SLC6A13: variants seen among roughly 807,000 people sequenced by gnomAD.
SLC6A13 encodes sodium- and chloride-dependent GABA transporter 2.
A neutral mutation model predicts 72.9 loss-of-function variants in SLC6A13; 69 were observed. That is an observed-to-expected ratio of 0.95 (90% confidence interval 0.78 to 1.16). The LOEUF is 1.16. Ranked by LOEUF, SLC6A13 falls within the 50% of genes most tolerant of loss-of-function variation. The pLI is 0.00. For missense variants in SLC6A13, 735 were observed against 760.5 expected (o/e 0.97, Z 0.39); for synonymous variants, 303 against 303.0 (o/e 1.00, Z 0.00).
chr12:229,794 A>C (rs1002568000), intron 7 of SLC6A13, among the ~76,000 whole-genome samples: 12 of 152,150 alleles, frequency 7.9e-5, no homozygotes, highest in Admixed American at 7.9e-4. Flanking sequence ...ACACATTCAG[A>C]GGCACAAGCC....
chr12:220,740 G>A lies in SLC6A13; in HGVS notation c.*208C>T. On this transcript the variant is annotated 3_prime_UTR_variant, in exon 15 of 15. Transcript: ENST00000343164. ...CAAGGGTCTCAGAGGGACACTCTTGGCACTGGCCTTTCACATCTGTTCAAC... is the reference window on the plus strand; with the variant it reads ...CAAGGGTCTCAGAGGGACACTCTTGACACTGGCCTTTCACATCTGTTCAAC... The A allele has an allele frequency of 1.8e-6, 1 of 569,474 alleles. No homozygotes were observed. Among genetic ancestry groups the A allele is most frequent in the Non-Finnish European group, 3.1e-6 (1 of 325,772 alleles). The allele number at this position is 569,474 out of a possible 1,614,324, so 35.3% of individuals were successfully genotyped here.
At chr12:238,584 TA>T (rs1942031449) in intron 4 of SLC6A13, among the ~76,000 whole-genome samples, 1 of 152,236 alleles carries the variant, frequency 6.6e-6, no homozygotes, top group Non-Finnish European at 1.5e-5. Flanking sequence ...TGGTGCTCTT[TA>T]TTATTTGTGT....
rs114856818 is a variant in SLC6A13 at position 242,510 on chromosome 12, G to A, written c.478+104C>T. ...TAAGCTCTCCATGGTCGACTTGGGTGATTTCTGGTGTGTCCGTGTTAAGCG... is the reference window on the plus strand; with the variant it reads ...TAAGCTCTCCATGGTCGACTTGGGTAATTTCTGGTGTGTCCGTGTTAAGCG... On this transcript the variant is annotated intron_variant, in intron 4 of 14. Coordinates refer to ENST00000343164, the MANE Select transcript of SLC6A13 (RefSeq NM_016615.5). 1.6e-3 allele frequency: 1,570 copies of A among 954,770 alleles called. 22 individuals are homozygous for A. The African/African-American group carries it at 0.023, about 14-fold the overall frequency. The allele number at this position is 954,770 out of a possible 1,614,324, so 59.1% of individuals were successfully genotyped here.
Position 226,508 on chromosome 12 carries a change from G to T in SLC6A13, c.942C>A (p.Cys314Ter). The change falls in exon 9 of 15, where the codon TGC becomes TGA. Residue 314 changes from cysteine (C) to a stop codon, truncating the protein, a stop_gained. Transcript: ENST00000343164. LOFTEE classifies it high-confidence loss of function. ...NKYHNNCYRD[C>*]IALCFLNSGT... ...CGCTGTTGAGGAAGCAGAGGGCGAT[G>T]CAGTCCCTGTGGGGCAGGGGTGAGG... 1 of 1,613,792 alleles carries T rather than the reference G, an allele frequency of 6.2e-7. No homozygotes were observed. The highest frequency in any genetic ancestry group is 8.5e-7 in the Non-Finnish European group (1 of 1,179,770).
In SLC6A13 at chr12:224,484, G is replaced by T. The variant is rs149299701; in HGVS notation, c.1090C>A (p.Arg364=). The T allele has an allele frequency of 6.2e-7, 1 of 1,614,118 alleles. No individual in the cohort carries two copies. The highest frequency in any genetic ancestry group is 8.5e-7 in the Non-Finnish European group (1 of 1,180,018). The change falls in exon 10 of 15, where the codon CGG becomes AGG. Residue 364 remains arginine, a synonymous_variant. Transcript: ENST00000343164. ...GAGAAGGGCAGCATCACCACAGCCC[G>T]CGGGTAAGCGATGAAAGCCAGGCCA... is the stretch of plus-strand genomic sequence containing the variant. ...GPGLAFIAYP[R]AVVMLPFSPL...
intron 2 of SLC6A13, among the ~76,000 whole-genome samples, chr12:250,794 A>G (rs1319799533): frequency 1.5e-5 from 2 of 134,726 alleles, no homozygotes; most frequent in Non-Finnish European, 3.1e-5. Flanking sequence ...ATTCTTTCTA[A>G]AATTCATCTG....
chr12:240,543 C>T (rs372956855), intron 4 of SLC6A13, among the ~76,000 whole-genome samples: 39 of 152,322 alleles, frequency 2.6e-4, no homozygotes, highest in African/African-American at 8.7e-4. Context: ...TTGATTCATT[C>T]GATCAATATT....
At chr12:257,845 C>T (rs1942797092) in intron 2 of SLC6A13, among the ~76,000 whole-genome samples, 1 of 152,240 alleles carries the variant, frequency 6.6e-6, no homozygotes, top group Non-Finnish European at 1.5e-5. Flanking sequence ...ATCTCTCCCA[C>T]CTCTTCGTGC....
intron 4 of SLC6A13, among the ~76,000 whole-genome samples, chr12:241,092 T>C (rs1942148325): frequency 6.6e-6 from 1 of 152,054 alleles, no homozygotes; most frequent in East Asian, 1.9e-4. Context: ...GATCACAAGG[T>C]CAGGAGTTCA....
intron 4 of SLC6A13, among the ~76,000 whole-genome samples, chr12:239,807 C>G (rs1431602625): frequency 1.3e-5 from 2 of 152,216 alleles, no homozygotes; most frequent in African/African-American, 4.8e-5. Flanking sequence ...AAACCATTCA[C>G]TTTCCTGGAC....
Position 222,494 on chromosome 12 carries a change from C to T in SLC6A13, c.1515+38G>A, listed in dbSNP as rs570909770. ...CTACCCCTGCTAGCCACCGTCTCTC[C>T]CTCCCTTCATCTGACTTTATCCCTG... On this transcript the variant is annotated intron_variant, in intron 13 of 14. Transcript: ENST00000343164. The T allele has an allele frequency of 2.7e-5, 37 of 1,363,898 alleles. No homozygotes were observed. In the East Asian group the frequency reaches 4.5e-4, roughly 17 times the overall value. The allele number at this position is 1,363,898 out of a possible 1,614,324, so 84.5% of individuals were successfully genotyped here.
At chr12:244,835 T>C (rs1172045046) in intron 2 of SLC6A13, among the ~76,000 whole-genome samples, 1 of 152,180 alleles carries the variant, frequency 6.6e-6, no homozygotes, top group East Asian at 1.9e-4. Flanking sequence ...TCCAAAACTA[T>C]AATAAATAAA....
rs750973965 is a variant in SLC6A13 at position 223,986 on chromosome 12, C to T, written c.1311+6G>A. 9 of 1,610,824 alleles carry T rather than the reference C, an allele frequency of 5.6e-6. No homozygotes were observed. The highest frequency in any genetic ancestry group is 5.5e-5 in the South Asian group (5 of 90,870). On this transcript the variant is annotated splice_donor_region_variant and intron_variant, in intron 11 of 14. Transcript: ENST00000343164. ...CCCAGCCTTCCCCCGCTTCCCAGGC[C>T]CTCACCTCTGTGAGCATGATCAGCC...
At chr12:255,914 C>T in intron 2 of SLC6A13, among the ~76,000 whole-genome samples, 1 of 152,190 alleles carries the variant, frequency 6.6e-6, no homozygotes, top group East Asian at 1.9e-4. Flanking sequence ...CAGACTCTTG[C>T]TTCGTTTCAA....
intron 10 of SLC6A13, 68 bp downstream of exon 10, chr12:224,333 T>C (rs2137252533): frequency 6.9e-7 from 1 of 1,440,452 alleles, no homozygotes; most frequent in East Asian, 2.3e-5. Context: ...CATTCACCCA[T>C]GGCTCCTCCT....
At chr12:243,988 C>T (rs772877455) in intron 2 of SLC6A13, among the ~76,000 whole-genome samples, 175 bp from the exon 3 acceptor site, 3 of 112,506 alleles carry the variant, frequency 2.7e-5, no homozygotes, top group Non-Finnish European at 5.9e-5. Flanking sequence ...CAAGAGTCAC[C>T]CCATTATCTA....
Position 224,121 on chromosome 12 carries a change from A to T in SLC6A13, c.1182T>A (p.Cys394Ter). 6.2e-7 allele frequency: 1 copy of T among 1,614,134 alleles called. No individual in the cohort carries two copies. The highest frequency in any genetic ancestry group is 8.5e-7 in the Non-Finnish European group (1 of 1,180,010). ...CCAGCGCTGTCACCAGGCTTTCTAC[A>T]CACACAAACTGGATGACAGGGCAAA... Reference protein sequence around the residue: ...VLLGLDSQFVCVESLVTALVD... With the variant: ...VLLGLDSQFV Residue 394 changes from cysteine (C) to a stop codon, truncating the protein, a stop_gained, in exon 11 of 15, where the codon TGT becomes TGA. Coordinates refer to ENST00000343164, the MANE Select transcript of SLC6A13 (RefSeq NM_016615.5). LOFTEE classifies it high-confidence loss of function.
chr12:239,919 G>C (rs1185824700), intron 4 of SLC6A13, among the ~76,000 whole-genome samples: 1 of 152,186 alleles, frequency 6.6e-6, no homozygotes, highest in Non-Finnish European at 1.5e-5. Context: ...CACTAAGAGA[G>C]ATGTCAACAA....
At chr12:245,326 C>G (rs1214013928) in intron 2 of SLC6A13, among the ~76,000 whole-genome samples, 2 of 152,094 alleles carry the variant, frequency 1.3e-5, no homozygotes, top group Non-Finnish European at 2.9e-5. Context: ...ATCTTAAAAG[C>G]AAGATATAAA....
Sources: allele counts gnomAD v4.1 joint callset (sites outside exome capture counted in the v4.1 genomes callset), GRCh38; gene constraint gnomAD v4.1.1; transcripts MANE v1.5; gene names NCBI Gene and HGNC (gene_info 2026-07-23, HGNC 2026-07-21).